Variants in SPAG16 observed in about 807,000 individuals in gnomAD.
SPAG16 encodes the protein sperm associated antigen 16, also known as sperm-associated antigen 16 protein.
In SPAG16, 86 loss-of-function variants were observed where a neutral mutation model predicts 80.4. That is an observed-to-expected ratio of 1.07 (90% CI 0.90 to 1.28). SPAG16 has a LOEUF of 1.28. Among genes scored for constraint, SPAG16 ranks in the 50% most tolerant of loss-of-function variants. SPAG16 has a pLI of 0.00. For synonymous variants in SPAG16, 294 were observed against 265.9 expected (o/e 1.11, Z -1.03); for missense variants, 870 against 765.3 (o/e 1.14, Z -1.61).
intron 3 of SPAG16, among the ~76,000 whole-genome samples, chr2:213,303,576 C>T (rs78438652): frequency 0.014 from 2,093 of 152,018 alleles, 44 homozygotes; most frequent in African/African-American, 0.047. Context: ...ACTCTGCCTT[C>T]GTGAGTTCAA....
chr2:214,259,561 G>T, intron 15 of SPAG16, among the ~76,000 whole-genome samples: 1 of 140,376 alleles, frequency 7.1e-6, no homozygotes, highest in African/African-American at 2.7e-5. Context: ...CACACGTTTC[G>T]GCAGATATAA....
In SPAG16 at chr2:213,426,836, TACACACACACACAC is replaced by T. The variant is rs199604984; in HGVS notation, c.942+51751_942+51764del. ...TTTTTCAAAAGATTATTCTGATACA[TACACACACACACAC>T]ACACACACACACACACACACACACA... On this transcript the variant is annotated intron_variant, in intron 9 of 15. Coordinates refer to ENST00000331683, the MANE Select transcript of SPAG16 (RefSeq NM_024532.5). Among the ~76,000 whole-genome samples, 605 of 125,878 alleles carry T rather than the reference TACACACACACACAC, an allele frequency of 4.8e-3. 3 individuals carry two copies. Among genetic ancestry groups the T allele is most frequent in the African/African-American group, 0.013 (457 of 34,140 alleles). 82.6% of individuals were successfully genotyped at this position (125,878 alleles called of 152,430 possible).
chr2:214,332,715 T>C (rs1414644405), intron 15 of SPAG16, among the ~76,000 whole-genome samples: 1 of 152,186 alleles, frequency 6.6e-6, no homozygotes, highest in Non-Finnish European at 1.5e-5. Context: ...TTATGGAGAC[T>C]ACCACGCTCC....
chr2:213,879,312 T>C (rs894161820), intron 11 of SPAG16, among the ~76,000 whole-genome samples: 1 of 151,972 alleles, frequency 6.6e-6, no homozygotes, highest in Non-Finnish European at 1.5e-5. Flanking sequence ...GTGTTATCTA[T>C]AATTTCTTTC....
chr2:213,939,293 C>A (rs750606469), intron 12 of SPAG16, among the ~76,000 whole-genome samples: 5 of 152,186 alleles, frequency 3.3e-5, no homozygotes, highest in Non-Finnish European at 5.9e-5. Context: ...ATGGTCCAGA[C>A]CCTTGCCCTT....
intron 9 of SPAG16, among the ~76,000 whole-genome samples, chr2:213,435,250 G>A (rs980108904): frequency 1.3e-5 from 2 of 152,134 alleles, no homozygotes; most frequent in African/African-American, 2.4e-5. Context: ...TAAGTGAATT[G>A]CAGGTCATTA....
chr2:214,103,976 GGA>G (rs1396863655), intron 13 of SPAG16, among the ~76,000 whole-genome samples: 3 of 151,362 alleles, frequency 2.0e-5, no homozygotes, highest in Non-Finnish European at 4.4e-5. Flanking sequence ...AGAGAGGGAG[GGA>G]GAGAGAGAGA....
At chr2:214,394,338 T>A (rs931665872) in intron 15 of SPAG16, among the ~76,000 whole-genome samples, 3 of 152,178 alleles carry the variant, frequency 2.0e-5, no homozygotes, top group African/African-American at 7.2e-5. Context: ...CTACTCCCTA[T>A]ACCAGTGTAC....
intron 10 of SPAG16, among the ~76,000 whole-genome samples, chr2:213,694,042 C>CAAAAAAAAAAAAAAA (rs68152101): frequency 8.2e-6 from 1 of 121,366 alleles, no homozygotes; most frequent in African/African-American, 3.2e-5. Context: ...TTATGCAAGA[C>CAAAAAAAAAAAAAAA]AAAAAAAAAA....
At chr2:213,775,498 A>G (rs576995312) in intron 10 of SPAG16, among the ~76,000 whole-genome samples, 4 of 152,256 alleles carry the variant, frequency 2.6e-5, no homozygotes, top group East Asian at 3.9e-4. Flanking sequence ...AGATCTATCT[A>G]CCCTCTTAAC....
chr2:214,410,442 G>T lies in SPAG16; in HGVS notation c.*127G>T, dbSNP rs964411060. On this transcript the variant is annotated 3_prime_UTR_variant, in exon 16 of 16. Coordinates refer to ENST00000331683, the MANE Select transcript of SPAG16 (RefSeq NM_024532.5). ...ACATTTACAGTCTGCTTTAAAACAT[G>T]CTTTGGACATATATTTTAGTGCTCA... 4 of 835,382 alleles carry T rather than the reference G, an allele frequency of 4.8e-6. No homozygotes were observed. The African/African-American group carries it at 6.8e-5, about 14-fold the overall frequency. The allele number at this position is 835,382 out of a possible 1,614,324, so 51.7% of individuals were successfully genotyped here.
intron 15 of SPAG16, among the ~76,000 whole-genome samples, chr2:214,204,734 A>G (rs1230250909): frequency 6.6e-6 from 1 of 152,202 alleles, no homozygotes; most frequent in Non-Finnish European, 1.5e-5. Context: ...AGAATGAACC[A>G]GAAAAACAAT....
intron 10 of SPAG16, among the ~76,000 whole-genome samples, chr2:213,860,956 C>A (rs1338350680): frequency 6.6e-6 from 1 of 152,020 alleles, no homozygotes; most frequent in Non-Finnish European, 1.5e-5. Context: ...CATTTTTTAC[C>A]TCTCATCATA....
intron 15 of SPAG16, among the ~76,000 whole-genome samples, chr2:214,301,028 TATA>T (rs71037363): frequency 0.36 from 50,487 of 141,550 alleles, 9,221 homozygotes; most frequent in South Asian, 0.51. Context: ...AAACTTAAAG[TATA>T]ATAATAATAA....
chr2:213,342,376 T>TTATA (rs562141851), intron 6 of SPAG16, among the ~76,000 whole-genome samples: 2 of 142,556 alleles, frequency 1.4e-5, no homozygotes, highest in Non-Finnish European at 3.1e-5. Flanking sequence ...TATATATGTA[T>TTATA]TATATATATA....
intron 10 of SPAG16, among the ~76,000 whole-genome samples, chr2:213,639,105 T>C (rs2062486949): frequency 6.6e-6 from 1 of 152,232 alleles, no homozygotes; most frequent in Non-Finnish European, 1.5e-5. Flanking sequence ...CTTTCTTCCA[T>C]CTTTTCACCT....
At chr2:213,357,338 C>T (rs113048140) in intron 7 of SPAG16, among the ~76,000 whole-genome samples, 162 of 152,158 alleles carry the variant, frequency 1.1e-3, no homozygotes, top group African/African-American at 3.8e-3. Flanking sequence ...GTTGATCTGT[C>T]TAATATTGAC....
intron 10 of SPAG16, among the ~76,000 whole-genome samples, chr2:213,677,572 C>A (rs1229059460): frequency 2.0e-5 from 3 of 152,044 alleles, no homozygotes; most frequent in Non-Finnish European, 4.4e-5. Flanking sequence ...AGCTAACTAT[C>A]CTAAATATAT....
chr2:214,224,495 A>C (rs1383598297), intron 15 of SPAG16, among the ~76,000 whole-genome samples: 2 of 152,172 alleles, frequency 1.3e-5, no homozygotes, highest in Non-Finnish European at 2.9e-5. Flanking sequence ...GTTTATAATA[A>C]GTTTGAAAAA....
Sources: gnomAD v4.1 joint callset for allele counts (sites outside exome capture counted in the v4.1 genomes callset) on GRCh38, gnomAD v4.1.1 for gene constraint, MANE v1.5 for transcripts, NCBI Gene and HGNC (gene_info 2026-07-23, HGNC 2026-07-21) for gene names.